COLEC12: variants seen among roughly 807,000 people sequenced by gnomAD.
The protein encoded by COLEC12 is collectin-12.
A neutral mutation model predicts 71.1 loss-of-function variants in COLEC12; 33 were observed. That is an observed-to-expected ratio of 0.46 (90% CI 0.35 to 0.62). The LOEUF (loss-of-function observed/expected upper bound fraction) is 0.62, where lower values mean the gene tolerates loss of function less well. COLEC12 is among the 20% of genes least tolerant of loss of function. The probability of loss-of-function intolerance (pLI) is 0.00; values close to 1 mark genes in which losing one functional copy is unlikely to be tolerated. For synonymous variants in COLEC12, 350 were observed against 353.0 expected (o/e 0.99, Z 0.10); for missense variants, 765 against 916.1 (o/e 0.84, Z 2.13).
In COLEC12 at chr18:473,824, A is replaced by AT. The variant is rs532818591; in HGVS notation, c.58+6882dup. Among the ~76,000 whole-genome samples, 25 of 151,190 alleles carry AT rather than the reference A, an allele frequency of 1.7e-4. No individual in the cohort carries two copies. The South Asian group carries it at 2.1e-3, about 13-fold the overall frequency. On this transcript the variant is annotated intron_variant, in intron 2 of 9. Coordinates refer to ENST00000400256, the MANE Select transcript of COLEC12 (RefSeq NM_130386.3). Reference sequence around the variant, plus strand: ...TCTTAACCAAAACAGAGCTGAGTAGATTTTTTTTTTCTTTAACTTTTCCAA... The same window carrying AT: ...TCTTAACCAAAACAGAGCTGAGTAGATTTTTTTTTTTCTTTAACTTTTCCAA...
chr18:494,932 T>C (rs1460911854), intron 1 of COLEC12, among the ~76,000 whole-genome samples: 1 of 152,204 alleles, frequency 6.6e-6, no homozygotes, highest in Non-Finnish European at 1.5e-5. Flanking sequence ...GTCCAATAAG[T>C]GTATTTCATT....
chr18:476,885 A>G (rs928734357), intron 2 of COLEC12, among the ~76,000 whole-genome samples: 2 of 152,258 alleles, frequency 1.3e-5, no homozygotes, highest in African/African-American at 4.8e-5. Context: ...GAGGCCAAGA[A>G]ACGCTGACCC....
intron 1 of COLEC12, among the ~76,000 whole-genome samples, chr18:484,068 C>A (rs1567922295): frequency 6.6e-6 from 1 of 152,172 alleles, no homozygotes; most frequent in Admixed American, 6.5e-5. Flanking sequence ...TAGCAAACAG[C>A]TTCAAATTTC....
intron 2 of COLEC12, among the ~76,000 whole-genome samples, chr18:443,375 G>T (rs569196118): frequency 2.8e-4 from 42 of 152,332 alleles, no homozygotes; most frequent in Admixed American, 7.2e-4. Flanking sequence ...TCTGAAGGAA[G>T]CTCAATTATC....
chr18:378,714 C>A (rs1471947505), intron 2 of COLEC12, among the ~76,000 whole-genome samples: 1 of 152,196 alleles, frequency 6.6e-6, no homozygotes, highest in Non-Finnish European at 1.5e-5. Flanking sequence ...ACTAGGAGAA[C>A]CATGTTTTAT....
At chr18:389,422 G>T (rs996844413) in intron 2 of COLEC12, among the ~76,000 whole-genome samples, 5 of 151,840 alleles carry the variant, frequency 3.3e-5, no homozygotes, top group African/African-American at 1.2e-4. Context: ...GGGACTACAG[G>T]CGCCCGCCAC....
intron 2 of COLEC12, among the ~76,000 whole-genome samples, chr18:432,256 C>T (rs978201094): frequency 3.0e-4 from 45 of 152,140 alleles, no homozygotes; most frequent in Non-Finnish European, 8.8e-5. Flanking sequence ...AAGGATCTAG[C>T]TCTGAGACCT....
intron 2 of COLEC12, among the ~76,000 whole-genome samples, chr18:400,819 G>A (rs78862132): frequency 0.074 from 11,223 of 152,138 alleles, 548 homozygotes; most frequent in Admixed American, 0.13. Flanking sequence ...TTATTGTTCT[G>A]GTAACATTTA....
At chr18:340,086 A>AAAAAAAAAC (rs1914214074) in intron 5 of COLEC12, among the ~76,000 whole-genome samples, 1 of 150,890 alleles carries the variant, frequency 6.6e-6, no homozygotes, top group Admixed American at 6.6e-5. Flanking sequence ...AAAAAAAAAA[A>AAAAAAAAAC]AAAAACAAAA....
intron 5 of COLEC12, among the ~76,000 whole-genome samples, chr18:343,869 G>A (rs118100458): frequency 0.019 from 2,863 of 152,292 alleles, 46 homozygotes; most frequent in Admixed American, 0.045. Context: ...TCATTGGGAC[G>A]TTGGTGAAAA....
At chr18:427,800 C>T (rs2143667051) in intron 2 of COLEC12, among the ~76,000 whole-genome samples, 1 of 152,134 alleles carries the variant, frequency 6.6e-6, no homozygotes, top group East Asian at 1.9e-4. Flanking sequence ...AGACCCTAGG[C>T]CCACCTCAGG....
chr18:390,615 C>A (rs1915441971), intron 2 of COLEC12, among the ~76,000 whole-genome samples: 2 of 152,070 alleles, frequency 1.3e-5, no homozygotes, highest in African/African-American at 4.8e-5. Flanking sequence ...CGAAAATTAG[C>A]CAGGCATGCC....
chr18:467,342 C>T (rs1337899061), intron 2 of COLEC12, among the ~76,000 whole-genome samples: 7 of 152,192 alleles, frequency 4.6e-5, no homozygotes, highest in African/African-American at 1.7e-4. Flanking sequence ...ACACAGAGGA[C>T]CACTGGATAC....
intron 2 of COLEC12, among the ~76,000 whole-genome samples, chr18:416,508 T>C (rs1054916258): frequency 1.3e-5 from 2 of 152,198 alleles, no homozygotes; most frequent in Non-Finnish European, 2.9e-5. Context: ...TGTTATTATA[T>C]CCTAGAGGAA....
chr18:335,331 C>T, intron 5 of COLEC12, 101 bp from the exon 6 acceptor site: 1 of 1,298,350 alleles, frequency 7.7e-7, no homozygotes, highest in South Asian at 1.4e-5. Flanking sequence ...AAAAACCTAG[C>T]ATACAAAGTA....
chr18:322,566 G>A (rs113407743), intron 8 of COLEC12, among the ~76,000 whole-genome samples: 28 of 152,282 alleles, frequency 1.8e-4, no homozygotes, highest in Admixed American at 7.2e-4. Context: ...TCTTGATTAC[G>A]TTTCCACGAA....
chr18:388,985 T>C (rs1915402693), intron 2 of COLEC12, among the ~76,000 whole-genome samples: 1 of 152,046 alleles, frequency 6.6e-6, no homozygotes. Flanking sequence ...CTGTGGAGTG[T>C]CTACATCAGG....
intron 2 of COLEC12, among the ~76,000 whole-genome samples, chr18:479,043 TCTA>T (rs1449992827): frequency 6.6e-6 from 1 of 152,238 alleles, no homozygotes; most frequent in African/African-American, 2.4e-5. Flanking sequence ...TCTTCATATT[TCTA>T]CTGATTGCCA....
intron 2 of COLEC12, among the ~76,000 whole-genome samples, chr18:367,877 C>T (rs1017022768): frequency 6.6e-6 from 1 of 152,130 alleles, no homozygotes. Context: ...ATCCCTGAGG[C>T]CACGAGTTCA....
Sources: allele counts gnomAD v4.1 joint callset (sites outside exome capture counted in the v4.1 genomes callset), GRCh38; gene constraint gnomAD v4.1.1; transcripts MANE v1.5; gene names NCBI Gene and HGNC (gene_info 2026-07-23, HGNC 2026-07-21).